Variants in ENG observed in about 807,000 individuals in gnomAD.
ENG encodes CD105 antigen.
Under a neutral mutation model 71.0 loss-of-function variants are expected in ENG, and 17 were observed. The ratio of observed to expected loss-of-function variants is 0.24; its 90% CI spans 0.16 to 0.36. The LOEUF is 0.36. Ranked by LOEUF, ENG falls within the 10% of genes least tolerant of loss-of-function variation. The probability of loss-of-function intolerance (pLI) is 1.00; values close to 1 mark genes in which losing one functional copy is unlikely to be tolerated. For missense variants in ENG, 749 were observed against 868.3 expected (o/e 0.86, Z 1.73); for synonymous variants, 360 against 366.9 (o/e 0.98, Z 0.21).
At chr9:127,827,161 C>G (rs1160526627) in intron 3 of ENG, 2 of 157,304 alleles carry the variant, frequency 1.3e-5, no homozygotes, top group African/African-American at 4.8e-5. Flanking sequence ...CACCCTGACA[C>G]CCAGCATGTG....
intron 4 of ENG, among the ~76,000 whole-genome samples, 169 bp from the exon 5 acceptor site, chr9:127,826,029 C>A (rs1829582504): frequency 6.6e-6 from 1 of 152,188 alleles, no homozygotes; most frequent in African/African-American, 2.4e-5. Context: ...ACTCACCTGC[C>A]AAGTGACCCT....
chr9:127,846,166 C>T lies in ENG; in HGVS notation c.68-2921G>A, dbSNP rs1831164131. Reference sequence around the variant, plus strand: ...GGAGAGGTCACTGGGATCTCCCTCACCCCAACAAAATCAAGGGCTGGTGCC... The same window carrying T: ...GGAGAGGTCACTGGGATCTCCCTCATCCCAACAAAATCAAGGGCTGGTGCC... On this transcript the variant is annotated intron_variant, in intron 1 of 14. Transcript: ENST00000373203. This position sits in a 1 kb window ranked among gnomAD's most constrained non-coding sequence, Gnocchi z 5.5. Among the ~76,000 whole-genome samples, 1 of 152,156 alleles carries T rather than the reference C, an allele frequency of 6.6e-6. No individual in the cohort carries two copies. Among genetic ancestry groups the T allele is most frequent in the African/African-American group, 2.4e-5 (1 of 41,422 alleles).
chr9:127,824,786 G>T lies in ENG; in HGVS notation c.991+14C>A, dbSNP rs1457569488. On this transcript the variant is annotated intron_variant, in intron 7 of 14. Transcript: ENST00000373203. ...GAGGGGAAGGGAAGGGAGGGGCAGG[G>T]GAAGGGTGCTCACCGCAGCTGGAGG... is the stretch of plus-strand genomic sequence containing the variant. 1.3e-6 allele frequency: 2 copies of T among 1,539,978 alleles called. No homozygotes were observed. Among genetic ancestry groups the T allele is most frequent in the South Asian group, 1.3e-5 (1 of 79,108 alleles).
intron 2 of ENG, among the ~76,000 whole-genome samples, chr9:127,832,471 T>G (rs1039500251): frequency 2.0e-5 from 3 of 151,930 alleles, no homozygotes; most frequent in Admixed American, 6.6e-5. Flanking sequence ...GGGGCTGGGA[T>G]TCGTGCCCAG....
In ENG at chr9:127,815,479, G is replaced by C; in HGVS notation, c.*203C>G. On this transcript the variant is annotated 3_prime_UTR_variant, in exon 15 of 15. Coordinates refer to ENST00000373203, the MANE Select transcript of ENG (RefSeq NM_001114753.3). ...CCAGACCCACTGGGTTGAAGGTTCT[G>C]TGGGGTGGAGGGACCCCAAGGTGTT... 2.9e-6 allele frequency: 3 copies of C among 1,019,264 alleles called. No homozygotes were observed. The highest frequency in any genetic ancestry group is 4.1e-6 in the Non-Finnish European group (3 of 722,922). 63.1% of individuals were successfully genotyped at this position (1,019,264 alleles called of 1,614,324 possible). A position where few individuals can be genotyped will look rare whatever the true frequency, so the allele number is the denominator to read the frequency against.
chr9:127,820,839 A>T (rs4837183), intron 8 of ENG, among the ~76,000 whole-genome samples: 24,653 of 148,812 alleles, frequency 0.17, 3,290 homozygotes, highest in African/African-American at 0.37. Context: ...AAAAAAAAAA[A>T]ATATATATAT....
Position 127,826,576 on chromosome 9 carries a change from T to G in ENG, c.457A>C (p.Arg153=). Residue 153 remains arginine (R), a synonymous_variant, in exon 4 of 15, where the codon AGG becomes CGG. Coordinates refer to ENST00000373203, the MANE Select transcript of ENG (RefSeq NM_001114753.3). ...KTQILEWAAE[R]GPITSAAELN... ...TCAGCAGCAGAGGTGATGGGGCCCC[T>G]CTCAGCTGCCCACTCAAGGATCTGG... 6.2e-7 allele frequency: 1 copy of G among 1,614,056 alleles called. No homozygotes were observed. The highest frequency in any genetic ancestry group is 8.5e-7 in the Non-Finnish European group (1 of 1,179,986).
At chr9:127,847,489 ACT>A (rs1337864528) in intron 1 of ENG, among the ~76,000 whole-genome samples, 1 of 151,188 alleles carries the variant, frequency 6.6e-6, no homozygotes, top group Non-Finnish European at 1.5e-5. Flanking sequence ...ATAGAGTCTC[ACT>A]CTGTCACCCA....
Position 127,815,821 on chromosome 9 carries a change from G to A in ENG, c.1853-15C>T, listed in dbSNP as rs981674869. On this transcript the variant is annotated splice_polypyrimidine_tract_variant and intron_variant, in intron 14 of 14. Transcript: ENST00000373203. ...GCTGGGGGAACCTGGGAGCGGGAGCGGGGGCAGGGGCGGAGGTCAGGGTCC... is the reference window on the plus strand; with the variant it reads ...GCTGGGGGAACCTGGGAGCGGGAGCAGGGGCAGGGGCGGAGGTCAGGGTCC... The A allele has an allele frequency of 1.2e-5, 19 of 1,547,408 alleles. No homozygotes were observed. The highest frequency in any genetic ancestry group is 3.9e-5 in the Admixed American group (2 of 50,976).
At chr9:127,851,673 G>C (rs1831289008) in intron 1 of ENG, among the ~76,000 whole-genome samples, 1 of 152,052 alleles carries the variant, frequency 6.6e-6, no homozygotes, top group Non-Finnish European at 1.5e-5. Context: ...GAGGTCAAGA[G>C]TTCGAGGCCA....
rs140374844 is a variant in ENG, at chr9:127,831,119, A to G, written c.220-1292T>C. Among the ~76,000 whole-genome samples, 123 of 151,582 alleles carry G rather than the reference A, an allele frequency of 8.1e-4. 1 individual carries two copies. The highest frequency in any genetic ancestry group is 2.8e-3 in the African/African-American group (117 of 41,248). On this transcript the variant is annotated intron_variant, in intron 2 of 14. Transcript: ENST00000373203. The stretch of plus-strand genomic sequence containing the variant: ...AGTGTTCTAAGTGCTTTACACATTA[A>G]CTCATTTAATCCTTTCAACAACCTT...
At chr9:127,817,501 G>A (rs1830355271) in intron 12 of ENG, among the ~76,000 whole-genome samples, 1 of 152,170 alleles carries the variant, frequency 6.6e-6, no homozygotes, top group South Asian at 2.1e-4. Context: ...GGAGCTATGA[G>A]CCAGGTCAGC....
In ENG at chr9:127,833,770, A is replaced by G. The variant is rs540325074; in HGVS notation, c.220-3943T>C. The stretch of plus-strand genomic sequence containing the variant: ...TTTTAATCATCTTGCCATTTCCCCA[A>G]CTGACGTCACAAAGCCAGAGACAGT... On this transcript the variant is annotated intron_variant, in intron 2 of 14. Coordinates refer to ENST00000373203, the MANE Select transcript of ENG (RefSeq NM_001114753.3). Among the ~76,000 whole-genome samples, 4 of 152,346 alleles carry G rather than the reference A, an allele frequency of 2.6e-5. 1 individual carries two copies. In the South Asian group the frequency reaches 6.2e-4, roughly 24 times the overall value.
intron 3 of ENG, 24 bp from the exon 4 acceptor site, chr9:127,826,696 G>A: frequency 2.5e-6 from 4 of 1,612,558 alleles, no homozygotes; most frequent in Non-Finnish European, 3.4e-6. Context: ...TGGAGGCTCA[G>A]CACGCTGTTC....
intron 1 of ENG, chr9:127,847,101 C>CA (rs1050482329): frequency 1.7e-5 from 4 of 233,490 alleles, no homozygotes; most frequent in African/African-American, 9.3e-5. Flanking sequence ...CAGATGCTCC[C>CA]ATCATGCTTA....
At chr9:127,829,018 C>A (rs1830696196) in intron 3 of ENG, among the ~76,000 whole-genome samples, 2 of 152,196 alleles carry the variant, frequency 1.3e-5, no homozygotes, top group Non-Finnish European at 2.9e-5. Flanking sequence ...TGACCTCTGG[C>A]AGTGGGTCCC....
Position 127,843,075 on chromosome 9 carries a change from C to G in ENG, c.219+19G>C. 6.2e-7 allele frequency: 1 copy of G among 1,613,764 alleles called. No individual in the cohort carries two copies. The highest frequency in any genetic ancestry group is 8.5e-7 in the Non-Finnish European group (1 of 1,179,908). ...AGCTTCCTCTGAGCCCCCACCCGAC[C>G]CTGCCATGGGACACTCACCGTTGGG... On this transcript the variant is annotated intron_variant, in intron 2 of 14. Transcript: ENST00000373203.
Position 127,819,659 on chromosome 9 carries a change from G to T in ENG, c.1274C>A (p.Ala425Glu), listed in dbSNP as rs369997021. Residue 425 changes from alanine to glutamate, a missense_variant and splice_region_variant, in exon 10 of 15, where the codon GCG (alanine) becomes GAG (glutamate). Physicochemically the swap from Ala to Glu is moderately radical, Grantham distance 107. Coordinates refer to ENST00000373203, the MANE Select transcript of ENG (RefSeq NM_001114753.3). ...QVSASMISNEAVVNILSSSSP... is the reference protein window; with the variant it reads ...QVSASMISNEEVVNILSSSSP... Reference sequence around the variant, plus strand: ...TGAGCTCGACAGGATATTGACCACCGCCTGCGGGGATAAAGCCAGGGAGCT... The same window carrying T: ...TGAGCTCGACAGGATATTGACCACCTCCTGCGGGGATAAAGCCAGGGAGCT... 1 of 1,609,444 alleles carries T rather than the reference G, an allele frequency of 6.2e-7. No individual in the cohort carries two copies. Among genetic ancestry groups the T allele is most frequent in the Non-Finnish European group, 8.5e-7 (1 of 1,177,934 alleles).
At chr9:127,826,438 G>T in intron 4 of ENG, 72 bp downstream of exon 4, 1 of 1,588,746 alleles carries the variant, frequency 6.3e-7, no homozygotes, top group Admixed American at 1.7e-5. Flanking sequence ...CAAGTTTGAG[G>T]TGTGGGCCAG....
Sources: gnomAD v4.1 joint callset for allele counts (sites outside exome capture counted in the v4.1 genomes callset) on GRCh38, gnomAD v4.1.1 for gene constraint, Gnocchi (gnomAD v3.1) non-coding constraint, MANE v1.5 for transcripts, NCBI Gene and HGNC (gene_info 2026-07-23, HGNC 2026-07-21) for gene names.